SLCO3A1: variants seen among roughly 807,000 people sequenced by gnomAD.
SLCO3A1 encodes PGE1 transporter.
Under a neutral mutation model 63.1 loss-of-function variants are expected in SLCO3A1, and 27 were observed. The observed-to-expected ratio is 0.43, with a 90% CI of 0.32 to 0.59. The LOEUF is 0.59. Among genes scored for constraint, SLCO3A1 ranks in the 20% least tolerant of loss-of-function variants. The pLI, the probability that SLCO3A1 is intolerant of heterozygous loss-of-function variation, is 0.09. For missense variants in SLCO3A1, 773 were observed against 945.8 expected (o/e 0.82, Z 2.40); for synonymous variants, 473 against 409.9 (o/e 1.15, Z -1.86).
Position 91,865,534 on chromosome 15 carries a change from A to G in SLCO3A1, c.180+11446A>G, listed in dbSNP as rs1897143802. On this transcript the variant is annotated intron_variant, in intron 1 of 9. Coordinates refer to ENST00000318445, the MANE Select transcript of SLCO3A1 (RefSeq NM_013272.4). This position sits in a 1 kb window ranked among gnomAD's most constrained non-coding sequence, Gnocchi z 4.6. The stretch of plus-strand genomic sequence containing the variant: ...CAGGCCAGAAGTCTGAAATCAGGGC[A>G]TCAGCAGGGCCGTGCTCCCTCCTAG... Among the ~76,000 whole-genome samples the G allele has an allele frequency of 6.6e-6, 1 of 152,222 alleles. No homozygotes were observed. Among genetic ancestry groups the G allele is most frequent in the Non-Finnish European group, 1.5e-5 (1 of 68,042 alleles).
chr15:91,863,867 C>T lies in SLCO3A1; in HGVS notation c.180+9779C>T, dbSNP rs1019657982. On this transcript the variant is annotated intron_variant, in intron 1 of 9. Transcript: ENST00000318445. This position sits in a 1 kb window ranked among gnomAD's most constrained non-coding sequence, Gnocchi z 4.3. ...TTTGTAGGTTGGGAGGCTTAACATG[C>T]CAGTGACAGTTTCTCAGCCAGCCAA... Among the ~76,000 whole-genome samples the T allele has an allele frequency of 8.5e-5, 13 of 152,146 alleles. No homozygotes were observed. The highest frequency in any genetic ancestry group is 1.9e-4 in the Non-Finnish European group (13 of 68,026).
chr15:92,053,277 C>A (rs62008574), intron 2 of SLCO3A1, among the ~76,000 whole-genome samples: 18,543 of 152,096 alleles, frequency 0.12, 1,297 homozygotes, highest in East Asian at 0.25. Context: ...CTTCTTGGAG[C>A]CCCCTTTTTA....
In SLCO3A1 at chr15:92,163,252, C is replaced by A; in HGVS notation, c.*117C>A. ...CAGTACACACACACAGGCACAGATG[C>A]ACACACACGCAGACAGACACACCGA... is the stretch of plus-strand genomic sequence containing the variant. On this transcript the variant is annotated 3_prime_UTR_variant, in exon 10 of 10. Coordinates refer to ENST00000318445, the MANE Select transcript of SLCO3A1 (RefSeq NM_013272.4). 5.0e-6 allele frequency: 7 copies of A among 1,400,002 alleles called. No homozygotes were observed. Among genetic ancestry groups the A allele is most frequent in the Non-Finnish European group, 5.5e-6 (6 of 1,084,148 alleles). 86.7% of individuals were successfully genotyped at this position (1,400,002 alleles called of 1,614,324 possible).
At chr15:91,919,808 C>A (rs972926552) in intron 2 of SLCO3A1, among the ~76,000 whole-genome samples, 2 of 151,676 alleles carry the variant, frequency 1.3e-5, no homozygotes, top group Admixed American at 1.3e-4. Context: ...AAAGATTTCT[C>A]AATAACTTTA....
chr15:91,875,407 C>T lies in SLCO3A1; in HGVS notation c.180+21319C>T, dbSNP rs1210437908. On this transcript the variant is annotated intron_variant, in intron 1 of 9. Coordinates refer to ENST00000318445, the MANE Select transcript of SLCO3A1 (RefSeq NM_013272.4). The surrounding 1 kb of genome is among the most constrained non-coding windows in gnomAD (Gnocchi z 4.5). ...CTGCCTTTCCAGTTTACTCTCTCCA[C>T]AGGGTAAAAACTGGACTCTGGAGCA... is the stretch of plus-strand genomic sequence containing the variant. Among the ~76,000 whole-genome samples, 1 of 152,204 alleles carries T rather than the reference C, an allele frequency of 6.6e-6. No individual in the cohort carries two copies. Among genetic ancestry groups the T allele is most frequent in the Non-Finnish European group, 1.5e-5 (1 of 68,048 alleles).
chr15:91,959,917 A>G (rs1261812161), intron 2 of SLCO3A1, among the ~76,000 whole-genome samples: 1 of 151,976 alleles, frequency 6.6e-6, no homozygotes. Context: ...ACACTAATTT[A>G]CTTTCTGTGT....
intron 1 of SLCO3A1, among the ~76,000 whole-genome samples, chr15:91,879,593 A>C (rs527578306): frequency 3.3e-5 from 5 of 152,214 alleles, no homozygotes; most frequent in Admixed American, 6.5e-5. Flanking sequence ...AAAACTAAGA[A>C]AAATACGAAG....
At chr15:92,013,917 G>A (rs976967911) in intron 2 of SLCO3A1, among the ~76,000 whole-genome samples, 2 of 152,096 alleles carry the variant, frequency 1.3e-5, no homozygotes, top group African/African-American at 4.8e-5. Context: ...CAGAGGTCAG[G>A]CAGGAATTAA....
chr15:92,033,340 A>AC lies in SLCO3A1; in HGVS notation c.647-61538dup, dbSNP rs1485162714. On this transcript the variant is annotated intron_variant, in intron 2 of 9. Transcript: ENST00000318445. The surrounding 1 kb of genome is among the most constrained non-coding windows in gnomAD (Gnocchi z 4.5). Reference sequence around the variant, plus strand: ...TCTGCCCTTTGGAGAGACTTCTGCAACCCTCCTCTCCTCCAAGAGCAGGGT... The same window carrying AC: ...TCTGCCCTTTGGAGAGACTTCTGCAACCCCTCCTCTCCTCCAAGAGCAGGGT... 6.6e-6 allele frequency among the ~76,000 whole-genome samples: 1 copy of AC among 152,064 alleles called. No individual in the cohort carries two copies. Among genetic ancestry groups the AC allele is most frequent in the African/African-American group, 2.4e-5 (1 of 41,390 alleles).
chr15:91,957,084 G>GTATTAA (rs1900243842), intron 2 of SLCO3A1, among the ~76,000 whole-genome samples: 2 of 1,010 alleles, frequency 2.0e-3, no homozygotes. Flanking sequence ...ATACTATATA[G>GTATTAA]TATATATAAT....
Position 91,975,718 on chromosome 15 carries a change from G to A in SLCO3A1, c.646+59260G>A, listed in dbSNP as rs150515085. Among the ~76,000 whole-genome samples the A allele has an allele frequency of 1.1e-4, 16 of 152,262 alleles. 1 individual carries two copies. The highest frequency in any genetic ancestry group is 2.6e-4 in the African/African-American group (11 of 41,550). ...GCTAGCACAGCCTCCTCCTTCCTACGCCTCCACCTGACCTGTTCCTATAAC... is the reference window on the plus strand; with the variant it reads ...GCTAGCACAGCCTCCTCCTTCCTACACCTCCACCTGACCTGTTCCTATAAC... On this transcript the variant is annotated intron_variant, in intron 2 of 9. Coordinates refer to ENST00000318445, the MANE Select transcript of SLCO3A1 (RefSeq NM_013272.4).
At chr15:92,047,617 TA>T (rs1270918048) in intron 2 of SLCO3A1, among the ~76,000 whole-genome samples, 718 of 43,720 alleles carry the variant, frequency 0.016, no homozygotes, top group Middle Eastern at 0.042. Context: ...ATATAATATA[TA>T]AATATATATA....
chr15:92,037,218 G>A (rs1430771494), intron 2 of SLCO3A1, among the ~76,000 whole-genome samples: 2 of 152,180 alleles, frequency 1.3e-5, no homozygotes, highest in African/African-American at 4.8e-5. Flanking sequence ...CATAGTATTT[G>A]GTAACAATGT....
intron 2 of SLCO3A1, among the ~76,000 whole-genome samples, chr15:91,953,047 G>A (rs1900051124): frequency 6.6e-6 from 1 of 152,166 alleles, no homozygotes; most frequent in Non-Finnish European, 1.5e-5. Flanking sequence ...CAACCTCAGT[G>A]GAAGCTGCCT....
intron 1 of SLCO3A1, among the ~76,000 whole-genome samples, chr15:91,903,331 A>G (rs948661689): frequency 2.0e-5 from 3 of 152,346 alleles, no homozygotes; most frequent in African/African-American, 7.2e-5. Context: ...GGTGCTGCTC[A>G]GAAGCCATTG....
At chr15:91,926,590 T>TGC (rs1567189201) in intron 2 of SLCO3A1, among the ~76,000 whole-genome samples, 2 of 107,348 alleles carry the variant, frequency 1.9e-5, no homozygotes, top group Admixed American at 8.5e-5. Flanking sequence ...TGTGTGTGTG[T>TGC]GTGTGTGCGC....
At chr15:92,032,103 G>A (rs1206311442) in intron 2 of SLCO3A1, among the ~76,000 whole-genome samples, 1 of 152,206 alleles carries the variant, frequency 6.6e-6, no homozygotes, top group Non-Finnish European at 1.5e-5. Flanking sequence ...TTGGACCACT[G>A]TGTGTCTTTC....
intron 2 of SLCO3A1, among the ~76,000 whole-genome samples, chr15:91,981,540 C>T (rs2045987010): frequency 6.6e-6 from 1 of 152,060 alleles, no homozygotes; most frequent in Admixed American, 6.5e-5. Flanking sequence ...TACCTGTGCG[C>T]ATTCCATAAG....
chr15:92,040,570 C>A (rs1267253507), intron 2 of SLCO3A1, among the ~76,000 whole-genome samples: 1 of 152,126 alleles, frequency 6.6e-6, no homozygotes, highest in Non-Finnish European at 1.5e-5. Flanking sequence ...ATCCACATTC[C>A]AAGAGCAGTG....
Sources: allele counts gnomAD v4.1 joint callset (sites outside exome capture counted in the v4.1 genomes callset), GRCh38; gene constraint gnomAD v4.1.1; non-coding constraint Gnocchi (gnomAD v3.1); transcripts MANE v1.5; gene names NCBI Gene and HGNC (gene_info 2026-07-23, HGNC 2026-07-21).